The following SPATS2 variants were observed in gnomAD, a reference collection of about 807,000 sequenced individuals.
SPATS2 encodes spermatogenesis-associated serine-rich protein 2.
In SPATS2, 38 loss-of-function variants were observed where a neutral mutation model predicts 63.7. The ratio of observed to expected loss-of-function variants is 0.60; its 90% CI spans 0.46 to 0.78. The LOEUF (loss-of-function observed/expected upper bound fraction) is 0.78, where lower values mean the gene tolerates loss of function less well. Among genes scored for constraint, SPATS2 ranks in the 30% least tolerant of loss-of-function variants. The pLI, the probability that SPATS2 is intolerant of heterozygous loss-of-function variation, is 0.00. For missense variants in SPATS2, 588 were observed against 666.2 expected (o/e 0.88, Z 1.29); for synonymous variants, 207 against 232.9 (o/e 0.89, Z 1.01).
intron 2 of SPATS2, among the ~76,000 whole-genome samples, chr12:49,406,176 A>G (rs1944693685): frequency 6.6e-6 from 1 of 152,146 alleles, no homozygotes; most frequent in Admixed American, 6.5e-5. Context: ...AGGCAGGAGG[A>G]TAGCTTGAAT....
chr12:49,461,149 A>G, intron 3 of SPATS2, 112 bp downstream of exon 3: 1 of 1,068,950 alleles, frequency 9.4e-7, no homozygotes, highest in Non-Finnish European at 1.4e-6. Flanking sequence ...TTTTACAAGT[A>G]TTTATGGATA....
chr12:49,467,305 G>A (rs572493328), intron 3 of SPATS2, among the ~76,000 whole-genome samples: 11 of 148,866 alleles, frequency 7.4e-5, no homozygotes, highest in East Asian at 5.9e-4. Context: ...CTCGTGATCC[G>A]CCCACCTTGG....
chr12:49,373,815 C>T (rs551519079), intron 2 of SPATS2, among the ~76,000 whole-genome samples: 3 of 152,084 alleles, frequency 2.0e-5, no homozygotes, highest in African/African-American at 2.4e-5. Context: ...GTCGCAGCTA[C>T]TCGGGAGGCA....
At chr12:49,436,723 CGGGCGGGGGGCT>C (rs1945304384) in intron 2 of SPATS2, among the ~76,000 whole-genome samples, 1 of 144,720 alleles carries the variant, frequency 6.9e-6, no homozygotes, top group Non-Finnish European at 1.5e-5. Context: ...GGCGGCTGGC[CGGGCGGGGGGCT>C]GACCCCCCCA....
intron 9 of SPATS2, among the ~76,000 whole-genome samples, chr12:49,500,665 G>A (rs900355680): frequency 1.2e-4 from 18 of 152,066 alleles, no homozygotes; most frequent in Admixed American, 2.6e-4. Context: ...CTAGCTACTC[G>A]GGAGGCTGAG....
chr12:49,379,567 A>AT (rs1244754302), intron 2 of SPATS2, among the ~76,000 whole-genome samples: 217 of 150,234 alleles, frequency 1.4e-3, no homozygotes, highest in African/African-American at 4.9e-3. Flanking sequence ...AAAAAAAAAA[A>AT]AGAAAACAAA....
In SPATS2 at chr12:49,522,787, G is replaced by A. The variant is rs1946964148; in HGVS notation, c.1045G>A (p.Gly349Arg). 6.2e-7 allele frequency: 1 copy of A among 1,613,718 alleles called. No individual in the cohort carries two copies. Residue 349 changes from glycine (G) to arginine (R), a missense_variant, in exon 12 of 14, where the codon GGA becomes AGA. Coordinates refer to ENST00000552918, the MANE Select transcript of SPATS2 (RefSeq NM_023071.4). Reference protein sequence around the residue: ...VSERKYDEDLGRVARFTCDVE... With the variant: ...VSERKYDEDLRRVARFTCDVE... The stretch of plus-strand genomic sequence containing the variant: ...TGAACGTAAATATGATGAGGATCTG[G>A]GACGAGTAGCCCGGTTCACCTGTGA...
At chr12:49,401,647 A>G (rs1944606908) in intron 2 of SPATS2, among the ~76,000 whole-genome samples, 1 of 152,176 alleles carries the variant, frequency 6.6e-6, no homozygotes, top group African/African-American at 2.4e-5. Context: ...CTTGATATCA[A>G]ATATCCTGTC....
chr12:49,484,137 G>A (rs1946251059), intron 3 of SPATS2, among the ~76,000 whole-genome samples: 1 of 152,118 alleles, frequency 6.6e-6, no homozygotes, highest in African/African-American at 2.4e-5. Context: ...ATGTATTCAC[G>A]GGTTTATAGT....
chr12:49,526,376 A>G lies in SPATS2; in HGVS notation c.*121A>G. The G allele has an allele frequency of 8.1e-7, 1 of 1,227,990 alleles. No individual in the cohort carries two copies. The highest frequency in any genetic ancestry group is 1.1e-6 in the Non-Finnish European group (1 of 907,588). The allele number at this position is 1,227,990 out of a possible 1,614,324, so 76.1% of individuals were successfully genotyped here. The stretch of plus-strand genomic sequence containing the variant: ...GTTTATGCGTATCACTTTTTGTGCC[A>G]TTCTAAGTATTTTTGGTTTCTTGTC... On this transcript the variant is annotated 3_prime_UTR_variant, in exon 14 of 14. Transcript: ENST00000552918.
chr12:49,513,261 A>G (rs1003924755), intron 9 of SPATS2, among the ~76,000 whole-genome samples: 26 of 152,102 alleles, frequency 1.7e-4, no homozygotes, highest in East Asian at 5.8e-4. Flanking sequence ...AACCAGAAAC[A>G]AGAGTGGAAC....
intron 2 of SPATS2, among the ~76,000 whole-genome samples, chr12:49,443,547 G>A (rs1440545760): frequency 6.7e-6 from 1 of 149,976 alleles, no homozygotes; most frequent in Non-Finnish European, 1.5e-5. Context: ...TGTATGGTTT[G>A]TGCTTTTGAA....
chr12:49,492,964 G>A (rs529408849), intron 6 of SPATS2, among the ~76,000 whole-genome samples: 107 of 152,112 alleles, frequency 7.0e-4, no homozygotes, highest in African/African-American at 2.5e-3. Context: ...TGGGTGTGGT[G>A]GCACATGCCT....
intron 3 of SPATS2, among the ~76,000 whole-genome samples, chr12:49,484,191 C>A (rs1946251725): frequency 6.6e-6 from 1 of 152,124 alleles, no homozygotes; most frequent in South Asian, 2.1e-4. Flanking sequence ...GAGGAAATAA[C>A]TGTGTGTTGT....
chr12:49,418,146 A>C (rs1592376946), intron 2 of SPATS2, among the ~76,000 whole-genome samples: 1 of 108,854 alleles, frequency 9.2e-6, no homozygotes, highest in African/African-American at 3.9e-5. Context: ...GCAGGGTCTC[A>C]CTCTGTTGCA....
At chr12:49,404,047 C>T (rs980253152) in intron 2 of SPATS2, among the ~76,000 whole-genome samples, 1 of 152,154 alleles carries the variant, frequency 6.6e-6, no homozygotes, top group African/African-American at 2.4e-5. Flanking sequence ...CTGCTGTGTG[C>T]CAGGCACTGG....
intron 2 of SPATS2, among the ~76,000 whole-genome samples, chr12:49,404,589 A>G (rs7485587): frequency 0.039 from 5,949 of 152,212 alleles, 178 homozygotes; most frequent in Non-Finnish European, 0.062. Context: ...TAGAGTAGTC[A>G]TATTTAAATA....
chr12:49,389,782 C>A, intron 2 of SPATS2: 1 of 1,205,846 alleles, frequency 8.3e-7, no homozygotes, highest in Non-Finnish European at 1.2e-6. Context: ...TTGCGTACAT[C>A]CCTGGAAGAA....
intron 2 of SPATS2, among the ~76,000 whole-genome samples, chr12:49,374,334 G>C (rs888489002): frequency 6.6e-6 from 1 of 152,014 alleles, no homozygotes; most frequent in Non-Finnish European, 1.5e-5. Flanking sequence ...TTGCTTTGTT[G>C]CCCAGGCTGG....
Sources: allele counts gnomAD v4.1 joint callset (sites outside exome capture counted in the v4.1 genomes callset), GRCh38; gene constraint gnomAD v4.1.1; transcripts MANE v1.5; gene names NCBI Gene and HGNC (gene_info 2026-07-23, HGNC 2026-07-21).